GSTZ1: variants seen among roughly 807,000 people sequenced by gnomAD.
GSTZ1 encodes maleylacetoacetate isomerase.
Under a neutral mutation model 35.9 loss-of-function variants are expected in GSTZ1, and 34 were observed. The observed-to-expected ratio is 0.95, with a 90% CI of 0.72 to 1.26. The LOEUF is 1.26. GSTZ1 is among the 50% of genes most tolerant of loss of function. GSTZ1 has a pLI of 0.00. For synonymous variants in GSTZ1, 93 were observed against 101.2 expected (o/e 0.92, Z 0.49); for missense variants, 263 against 271.7 (o/e 0.97, Z 0.23).
chr14:77,326,069 C>G (rs573910779), intron 2 of GSTZ1: 1 of 152,562 alleles, frequency 6.6e-6, no homozygotes, highest in Admixed American at 6.5e-5. Flanking sequence ...CTTTGCCCTT[C>G]CCTGAGATTG....
Position 77,327,967 on chromosome 14 carries a change from A to G in GSTZ1, c.272A>G (p.Gln91Arg), listed in dbSNP as rs964930791. ...EMRPTPRLLP[Q>R]DPKKRASVRM... is the part of the protein sequence containing the mutation. ...CGTCCCACTCCGCGACTTCTGCCTC[A>G]GGACCCAAAGAAGAGGGCCAGCGTG... is the stretch of plus-strand genomic sequence containing the variant. Residue 91 changes from glutamine to arginine, a missense_variant, in exon 5 of 9, where the codon CAG (glutamine) becomes CGG (arginine). Physicochemically the swap from Gln to Arg is conservative, Grantham distance 43 (BLOSUM62 1). Coordinates refer to ENST00000216465, the MANE Select transcript of GSTZ1 (RefSeq NM_145870.3). 6.2e-7 allele frequency: 1 copy of G among 1,613,988 alleles called. No homozygotes were observed. Among genetic ancestry groups the G allele is most frequent in the Non-Finnish European group, 8.5e-7 (1 of 1,179,876 alleles).
intron 1 of GSTZ1, chr14:77,323,950 G>A (rs1892163063): frequency 6.6e-6 from 1 of 152,364 alleles, no homozygotes; most frequent in African/African-American, 2.4e-5. Flanking sequence ...AAATGAGGGA[G>A]CCGAAGATTT....
intron 2 of GSTZ1, chr14:77,325,185 G>T (rs1892258031): frequency 4.3e-6 from 2 of 460,292 alleles, no homozygotes; most frequent in Admixed American, 3.4e-5. Context: ...AAAGCCCCTT[G>T]GCAACCATGT....
At position 77,330,351 on chromosome 14, in the gene GSTZ1, T is replaced by C. The variant is rs1343406384; in HGVS notation, c.516T>C (p.Asn172=). Residue 172 remains asparagine, a synonymous_variant, in exon 8 of 9, where the codon AAT becomes AAC. Coordinates refer to ENST00000216465, the MANE Select transcript of GSTZ1 (RefSeq NM_145870.3). ...TGTGCTTGGTGCCTCAGGTGGCAAA[T>C]GCTGAAAGGTAAGAGAGAGCCCCGC... is the stretch of plus-strand genomic sequence containing the variant. ...ADLCLVPQVA[N]AERFKVDLTP... is the part of the protein sequence containing the mutation. 5 of 1,613,182 alleles carry C rather than the reference T, an allele frequency of 3.1e-6. No individual in the cohort carries two copies. Among genetic ancestry groups the C allele is most frequent in the South Asian group, 2.2e-5 (2 of 91,056 alleles).
intron 1 of GSTZ1, among the ~76,000 whole-genome samples, chr14:77,322,122 G>C (rs1381495042): frequency 6.6e-6 from 1 of 152,190 alleles, no homozygotes; most frequent in Non-Finnish European, 1.5e-5. Context: ...ATGGGACTTT[G>C]CGTCACGTTA....
chr14:77,327,950 T>C lies in GSTZ1; in HGVS notation c.255T>C (p.Thr85=), dbSNP rs373925250. 201 of 1,613,734 alleles carry C rather than the reference T, an allele frequency of 1.2e-4. 1 individual carries two copies. The highest frequency in any genetic ancestry group is 3.0e-4 in the South Asian group (27 of 91,070). The change falls in exon 5 of 9, where the codon ACT becomes ACC. Residue 85 remains threonine (T), a synonymous_variant. Transcript: ENST00000216465. The stretch of plus-strand genomic sequence containing the variant: ...AGTATCTAGAGGAGATGCGTCCCAC[T>C]CCGCGACTTCTGCCTCAGGACCCAA... The part of the protein sequence containing the change: ...IIEYLEEMRP[T]PRLLPQDPKK...
chr14:77,329,747 C>T lies in GSTZ1; in HGVS notation c.422-8C>T. ...CCAGAATAAGATGTTTATGTGGCCT[C>T]CCCACAGCCCTGGAGCAGATCCTAC... On this transcript the variant is annotated splice_polypyrimidine_tract_variant and splice_region_variant and intron_variant, in intron 6 of 8. Transcript: ENST00000216465. 9 of 1,611,754 alleles carry T rather than the reference C, an allele frequency of 5.6e-6. No homozygotes were observed. The highest frequency in any genetic ancestry group is 2.7e-5 in the African/African-American group (2 of 74,970).
At chr14:77,322,480 G>T (rs1290793466) in intron 1 of GSTZ1, 1 of 433,182 alleles carries the variant, frequency 2.3e-6, no homozygotes, top group Non-Finnish European at 3.1e-6. Flanking sequence ...TAATCCAAAG[G>T]CATTTAGCCA....
intron 5 of GSTZ1, chr14:77,328,623 A>T (rs1892456707): frequency 5.7e-6 from 1 of 176,788 alleles, no homozygotes; most frequent in African/African-American, 2.4e-5. Context: ...ATGTTGGAGC[A>T]GACAGACATC....
At chr14:77,321,204 T>C (rs1190733322) in intron 1 of GSTZ1, 21 bp downstream of exon 1, 2 of 1,483,856 alleles carry the variant, frequency 1.3e-6, no homozygotes, top group East Asian at 2.5e-5. Flanking sequence ...CGCACCCGGG[T>C]GGAGGGAAGC....
chr14:77,321,495 T>C, intron 1 of GSTZ1: 1 of 1,414,744 alleles, frequency 7.1e-7, no homozygotes, highest in Non-Finnish European at 9.3e-7. Context: ...CACTAAGGCT[T>C]CCAAACGTCG....
chr14:77,321,073 G>T lies in GSTZ1; in HGVS notation c.-96G>T. On this transcript the variant is annotated 5_prime_UTR_variant, in exon 1 of 9. Transcript: ENST00000216465. The stretch of plus-strand genomic sequence containing the variant: ...CTCGCTTTACCCGGACGAAAGACAC[G>T]GGCCTGATTCGTCGAGTCTCACTGA... 2 of 1,260,188 alleles carry T rather than the reference G, an allele frequency of 1.6e-6. No individual in the cohort carries two copies. Among genetic ancestry groups the T allele is most frequent in the Middle Eastern group, 2.8e-4 (1 of 3,566 alleles). The allele number at this position is 1,260,188 out of a possible 1,614,324, so 78.1% of individuals were successfully genotyped here. A position where few individuals can be genotyped will look rare whatever the true frequency, so the allele number is the denominator to read the frequency against.
At position 77,326,820 on chromosome 14, in the gene GSTZ1, A is replaced by G. The variant is rs777154172; in HGVS notation, c.68-18A>G. ...CGAGAGGCTGTTCTTTGACTCCGCT[A>G]TGTGCGGTCTCTCCTAGCTCTGGCC... On this transcript the variant is annotated intron_variant, in intron 2 of 8. Transcript: ENST00000216465. 6.3e-7 allele frequency: 1 copy of G among 1,583,764 alleles called. No individual in the cohort carries two copies. The highest frequency in any genetic ancestry group is 8.6e-7 in the Non-Finnish European group (1 of 1,158,130).
chr14:77,329,482 C>T (rs773354209), intron 6 of GSTZ1: 32 of 595,290 alleles, frequency 5.4e-5, no homozygotes, highest in South Asian at 3.8e-4. Flanking sequence ...GCCAGCACAG[C>T]GCCAGCCATC....
At chr14:77,331,020 T>C in intron 8 of GSTZ1, 49 bp from the exon 9 acceptor site, 8 of 1,581,812 alleles carry the variant, frequency 5.1e-6, no homozygotes, top group Non-Finnish European at 6.1e-6. Context: ...CAGGGCAGTC[T>C]CCCTGTGTCC....
At chr14:77,327,869 G>C in intron 4 of GSTZ1, 43 bp from the exon 5 acceptor site, 1 of 1,608,158 alleles carries the variant, frequency 6.2e-7, no homozygotes, top group South Asian at 1.1e-5. Flanking sequence ...CTGGTCCAGG[G>C]GTCCTGGGCC....
Position 77,321,100 on chromosome 14 carries a change from C to G in GSTZ1, c.-69C>G. The G allele has an allele frequency of 7.1e-7, 1 of 1,411,864 alleles. No individual in the cohort carries two copies. The highest frequency in any genetic ancestry group is 9.4e-7 in the Non-Finnish European group (1 of 1,065,770). The allele number at this position is 1,411,864 out of a possible 1,614,324, so 87.5% of individuals were successfully genotyped here. ...GCCTGATTCGTCGAGTCTCACTGAGCCTTAGTCGTCGGCAGGTCCCAGGCG... is the reference window on the plus strand; with the variant it reads ...GCCTGATTCGTCGAGTCTCACTGAGGCTTAGTCGTCGGCAGGTCCCAGGCG... On this transcript the variant is annotated 5_prime_UTR_variant, in exon 1 of 9. Transcript: ENST00000216465.
At chr14:77,330,391 G>A (rs576082757) in intron 8 of GSTZ1, 32 bp downstream of exon 8, 28 of 1,571,226 alleles carry the variant, frequency 1.8e-5, no homozygotes, top group African/African-American at 8.1e-5. Flanking sequence ...CTCCCTTCTC[G>A]TGGCTCTGCC....
intron 7 of GSTZ1, chr14:77,330,055 G>A (rs8177571): frequency 0.046 from 30,184 of 660,722 alleles, 1,877 homozygotes; most frequent in African/African-American, 0.23. Flanking sequence ...GCGCAGTCAA[G>A]GCAATCCATC....
Sources: allele counts gnomAD v4.1 joint callset (sites outside exome capture counted in the v4.1 genomes callset), GRCh38; gene constraint gnomAD v4.1.1; transcripts MANE v1.5; gene names NCBI Gene and HGNC (gene_info 2026-07-23, HGNC 2026-07-21).